ZNRF3: variants seen among roughly 807,000 people sequenced by gnomAD.
ZNRF3 encodes E3 ubiquitin-protein ligase ZNRF3.
A neutral mutation model predicts 72.5 loss-of-function variants in ZNRF3; 23 were observed. That is an observed-to-expected ratio of 0.32 (90% CI 0.23 to 0.45). The LOEUF is 0.45. ZNRF3 is among the 20% of genes least tolerant of loss of function. The pLI is 1.00. For synonymous variants in ZNRF3, 610 were observed against 545.3 expected, an observed-to-expected ratio of 1.12 and a Z score of -1.65; for missense variants, 1,169 against 1,272.1, an observed-to-expected ratio of 0.92 and a Z score of 1.23.
chr22:28,892,960 G>A (rs999042698), intron 1 of ZNRF3, among the ~76,000 whole-genome samples: 5 of 152,050 alleles, frequency 3.3e-5, no homozygotes, highest in African/African-American at 1.2e-4. Flanking sequence ...GAGGTCAGGA[G>A]ATCGAGACCA....
chr22:28,999,621 A>T (rs2036109430), intron 2 of ZNRF3, among the ~76,000 whole-genome samples: 1 of 152,186 alleles, frequency 6.6e-6, no homozygotes, highest in Non-Finnish European at 1.5e-5. Context: ...TCAAATAGAG[A>T]GGCCTCATAT....
At position 29,054,573 on chromosome 22, in the gene ZNRF3, T is replaced by A. The variant is rs1378535277; in HGVS notation, c.*951T>A. 2 of 152,794 alleles carry A rather than the reference T, an allele frequency of 1.3e-5. No individual in the cohort carries two copies. Among genetic ancestry groups the A allele is most frequent in the African/African-American group, 4.8e-5 (2 of 41,448 alleles). The allele number at this position is 152,794 out of a possible 1,614,324, so 9.5% of individuals were successfully genotyped here. A position where few individuals can be genotyped will look rare whatever the true frequency, so the allele number is the denominator to read the frequency against. On this transcript the variant is annotated 3_prime_UTR_variant, in exon 9 of 9. Coordinates refer to ENST00000544604, the MANE Select transcript of ZNRF3 (RefSeq NM_001206998.2). ...CTTTGGAGTCCTTTGCAAAAATATTTTGGGCCCCCTGCCACTGGCTGCAGA... is the reference window on the plus strand; with the variant it reads ...CTTTGGAGTCCTTTGCAAAAATATTATGGGCCCCCTGCCACTGGCTGCAGA...
At chr22:28,997,674 G>T (rs1288896706) in intron 2 of ZNRF3, among the ~76,000 whole-genome samples, 1 of 151,928 alleles carries the variant, frequency 6.6e-6, no homozygotes, top group East Asian at 1.9e-4. Context: ...CTCTGCCTCC[G>T]TTTCTCCATA....
intron 1 of ZNRF3, among the ~76,000 whole-genome samples, chr22:28,899,843 C>T (rs190389709): frequency 6.6e-6 from 1 of 152,152 alleles, no homozygotes; most frequent in African/African-American, 2.4e-5. Context: ...GCGTGCACCA[C>T]CATGCCCAGC....
rs1323087319 is a variant in ZNRF3 at position 29,030,378 on chromosome 22, TG to T, written c.427-12113del. Among the ~76,000 whole-genome samples, 1 of 152,206 alleles carries T rather than the reference TG, an allele frequency of 6.6e-6. No homozygotes were observed. Among genetic ancestry groups the T allele is most frequent in the Non-Finnish European group, 1.5e-5 (1 of 68,044 alleles). ...GTACCTTTAATTAGGAGAAATTAAG[TG>T]GGGCTGCTACATATTTTGAGAATAA... On this transcript the variant is annotated intron_variant, in intron 2 of 8. Transcript: ENST00000544604. The surrounding 1 kb of genome is among the most constrained non-coding windows in gnomAD (Gnocchi z 4.2).
chr22:28,937,207 ATATATATATTTTTTTTTTTTT>A lies in ZNRF3; in HGVS notation c.301-49867_301-49847del, dbSNP rs1297968206. Among the ~76,000 whole-genome samples the A allele has an allele frequency of 8.4e-3, 24 of 2,868 alleles. 1 individual carries two copies. The highest frequency in any genetic ancestry group is 0.058 in the South Asian group (5 of 86). The allele number at this position is 2,868 out of a possible 152,430, so 1.9% of individuals were successfully genotyped here. On this transcript the variant is annotated intron_variant, in intron 1 of 8. Transcript: ENST00000544604. ...TATATATATATATATATATATATAT[ATATATATATTTTTTTTTTTTT>A]TTTTTTTTTTAACAAAAGGAAAGAA...
At chr22:29,019,928 C>T (rs2036500119) in intron 2 of ZNRF3, among the ~76,000 whole-genome samples, 1 of 152,014 alleles carries the variant, frequency 6.6e-6, no homozygotes, top group Non-Finnish European at 1.5e-5. Flanking sequence ...ATGCACCCCA[C>T]CCCACCCCCA....
chr22:29,057,021 C>A lies in ZNRF3; in HGVS notation c.*3399C>A, dbSNP rs2037312276. 6.6e-6 allele frequency: 1 copy of A among 152,108 alleles called. No individual in the cohort carries two copies. The highest frequency in any genetic ancestry group is 6.5e-5 in the Admixed American group (1 of 15,272). The allele number at this position is 152,108 out of a possible 1,614,324, so 9.4% of individuals were successfully genotyped here. A position where few individuals can be genotyped will look rare whatever the true frequency, so the allele number is the denominator to read the frequency against. ...TTTCTACTCTTTATGTAAACTCTTTCTATTGTGTTGGTCTAACAAGGCACT... is the reference window on the plus strand; with the variant it reads ...TTTCTACTCTTTATGTAAACTCTTTATATTGTGTTGGTCTAACAAGGCACT... On this transcript the variant is annotated 3_prime_UTR_variant, in exon 9 of 9. Coordinates refer to ENST00000544604, the MANE Select transcript of ZNRF3 (RefSeq NM_001206998.2).
chr22:29,013,104 C>T (rs2036372444), intron 2 of ZNRF3, among the ~76,000 whole-genome samples: 1 of 152,202 alleles, frequency 6.6e-6, no homozygotes, highest in Non-Finnish European at 1.5e-5. Context: ...GTTGAAGAGC[C>T]ACCCATTCCT....
At chr22:28,931,941 A>G (rs1432402435) in intron 1 of ZNRF3, among the ~76,000 whole-genome samples, 1 of 152,234 alleles carries the variant, frequency 6.6e-6, no homozygotes, top group Non-Finnish European at 1.5e-5. Context: ...TGGACAGAGA[A>G]GGCAGATGGC....
intron 1 of ZNRF3, among the ~76,000 whole-genome samples, chr22:28,932,694 G>A (rs1569250634): frequency 1.3e-5 from 2 of 152,156 alleles, no homozygotes; most frequent in Admixed American, 6.5e-5. Context: ...GAGCTGACCC[G>A]TATTGCCTTG....
At chr22:28,908,781 G>GT (rs1647141148) in intron 1 of ZNRF3, among the ~76,000 whole-genome samples, 4 of 152,172 alleles carry the variant, frequency 2.6e-5, no homozygotes, top group Admixed American at 2.6e-4. Context: ...TTCAGTTTGT[G>GT]TTTTTTAAAG....
intron 1 of ZNRF3, among the ~76,000 whole-genome samples, chr22:28,924,844 A>G (rs2034572483): frequency 6.6e-6 from 1 of 151,926 alleles, no homozygotes. Context: ...TCCCTAGAGT[A>G]TGTGAGAGGC....
intron 1 of ZNRF3, among the ~76,000 whole-genome samples, chr22:28,907,248 C>T (rs895668293): frequency 1.3e-5 from 2 of 151,904 alleles, no homozygotes; most frequent in African/African-American, 4.8e-5. Context: ...CCACCTTGGC[C>T]TCCCAAAGTG....
At chr22:28,974,177 G>A (rs1299150466) in intron 1 of ZNRF3, among the ~76,000 whole-genome samples, 1 of 151,968 alleles carries the variant, frequency 6.6e-6, no homozygotes, top group Non-Finnish European at 1.5e-5. Context: ...TAGCCAGGAT[G>A]GTCTCGATCT....
At position 29,057,446 on chromosome 22, in the gene ZNRF3, C is replaced by G. The variant is rs569372422; in HGVS notation, c.*3824C>G. The G allele has an allele frequency of 8.1e-6, 1 of 123,614 alleles. No individual in the cohort carries two copies. The highest frequency in any genetic ancestry group is 1.7e-5 in the Non-Finnish European group (1 of 58,286). The allele number at this position is 123,614 out of a possible 1,614,324, so 7.7% of individuals were successfully genotyped here. ...CTATGGTTTTGTAACAAATTGTACACATGACTGTAAAAAAAAAATACAATT... is the reference window on the plus strand; with the variant it reads ...CTATGGTTTTGTAACAAATTGTACAGATGACTGTAAAAAAAAAATACAATT... On this transcript the variant is annotated 3_prime_UTR_variant, in exon 9 of 9. Transcript: ENST00000544604.
chr22:28,905,668 G>A lies in ZNRF3; in HGVS notation c.300+21602G>A, dbSNP rs145917254. 4.9e-3 allele frequency among the ~76,000 whole-genome samples: 745 copies of A among 152,278 alleles called. 15 individuals are homozygous for A. The highest frequency in any genetic ancestry group is 0.037 in the Admixed American group (568 of 15,288). ...AGCTGCTGTTACTTACCTGGGCCTG[G>A]CAGACAGAAGACCAGAAGATATCAT... On this transcript the variant is annotated intron_variant, in intron 1 of 8. Transcript: ENST00000544604.
At chr22:29,007,729 T>C (rs1433874079) in intron 2 of ZNRF3, among the ~76,000 whole-genome samples, 2 of 150,300 alleles carry the variant, frequency 1.3e-5, no homozygotes, top group African/African-American at 4.9e-5. Flanking sequence ...AGTTTGCCCC[T>C]TTCATAGAAA....
chr22:28,991,008 G>A (rs767979421), intron 2 of ZNRF3, among the ~76,000 whole-genome samples: 41 of 151,960 alleles, frequency 2.7e-4, no homozygotes, highest in Non-Finnish European at 5.4e-4. Context: ...TGGGCCAGGC[G>A]TGGTGGCTCA....
Sources: gnomAD v4.1 joint callset for allele counts (sites outside exome capture counted in the v4.1 genomes callset) on GRCh38, gnomAD v4.1.1 for gene constraint, Gnocchi (gnomAD v3.1) non-coding constraint, MANE v1.5 for transcripts, NCBI Gene and HGNC (gene_info 2026-07-23, HGNC 2026-07-21) for gene names.